Variants in GPC6 observed in about 807,000 individuals in gnomAD.
GPC6 encodes the protein glypican 6.
Under a neutral mutation model 55.2 loss-of-function variants are expected in GPC6, and 14 were observed. The observed-to-expected ratio is 0.25, with a 90% CI of 0.17 to 0.40. The LOEUF (loss-of-function observed/expected upper bound fraction) is 0.40, where lower values mean the gene tolerates loss of function less well. Ranked by LOEUF, GPC6 falls within the 10% of genes least tolerant of loss-of-function variation. The pLI, the probability that GPC6 is intolerant of heterozygous loss-of-function variation, is 1.00. For missense variants in GPC6, 641 were observed against 708.5 expected (o/e 0.90, Z 1.08); for synonymous variants, 278 against 259.6 (o/e 1.07, Z -0.68).
chr13:93,429,437 T>C lies in GPC6; in HGVS notation c.161-115826T>C, dbSNP rs146206339. On this transcript the variant is annotated intron_variant, in intron 1 of 8. Coordinates refer to ENST00000377047, the MANE Select transcript of GPC6 (RefSeq NM_005708.5). ...ACCACAGGTGAGGATAAGGTGCTTT[T>C]TGGGATAGTCCAGTGAGTGAGGCAA... 4.9e-3 allele frequency among the ~76,000 whole-genome samples: 748 copies of C among 152,282 alleles called. 11 individuals carry two copies. The highest frequency in any genetic ancestry group is 0.036 in the Admixed American group (553 of 15,260).
intron 2 of GPC6, among the ~76,000 whole-genome samples, chr13:93,566,886 G>A (rs1339733283): frequency 6.6e-6 from 1 of 152,084 alleles, no homozygotes; most frequent in African/African-American, 2.4e-5. Flanking sequence ...CCTGAAAAGA[G>A]CATGAACTCA....
chr13:93,992,075 A>G (rs1881335277), intron 3 of GPC6, among the ~76,000 whole-genome samples: 1 of 151,590 alleles, frequency 6.6e-6, no homozygotes, highest in Non-Finnish European at 1.5e-5. Flanking sequence ...TTATACATAC[A>G]TAGTTTACAT....
intron 2 of GPC6, among the ~76,000 whole-genome samples, chr13:93,776,821 C>T (rs1302374466): frequency 6.6e-6 from 1 of 152,152 alleles, no homozygotes; most frequent in Admixed American, 6.5e-5. Flanking sequence ...AGATCCATCC[C>T]ATTCCCTGCT....
intron 4 of GPC6, among the ~76,000 whole-genome samples, chr13:94,257,437 C>G (rs1891538886): frequency 6.6e-6 from 1 of 152,190 alleles, no homozygotes; most frequent in Non-Finnish European, 1.5e-5. Flanking sequence ...CAGTGCTTGT[C>G]CATACTTTGT....
chr13:94,261,957 T>G (rs971845355), intron 4 of GPC6, among the ~76,000 whole-genome samples: 1 of 152,176 alleles, frequency 6.6e-6, no homozygotes, highest in Non-Finnish European at 1.5e-5. Context: ...GTTTTTAAAT[T>G]GAAGATATTT....
chr13:93,461,318 A>G (rs920359441), intron 1 of GPC6, among the ~76,000 whole-genome samples: 1 of 152,176 alleles, frequency 6.6e-6, no homozygotes, highest in Non-Finnish European at 1.5e-5. Flanking sequence ...TATGGTTTTC[A>G]TAAGGGCAAT....
intron 6 of GPC6, among the ~76,000 whole-genome samples, chr13:94,308,839 G>T (rs1876090229): frequency 6.6e-6 from 1 of 152,200 alleles, no homozygotes; most frequent in Non-Finnish European, 1.5e-5. Flanking sequence ...TAGGTCCAAA[G>T]CTAATAACAG....
intron 4 of GPC6, among the ~76,000 whole-genome samples, chr13:94,247,020 C>T (rs1297866423): frequency 6.6e-6 from 1 of 152,042 alleles, no homozygotes; most frequent in African/African-American, 2.4e-5. Context: ...TTTGTGTCCT[C>T]TTCAATTTCT....
intron 4 of GPC6, among the ~76,000 whole-genome samples, chr13:94,239,369 C>G (rs1442487605): frequency 6.6e-6 from 1 of 152,094 alleles, no homozygotes; most frequent in Non-Finnish European, 1.5e-5. Context: ...CCTCTCTACT[C>G]CCACACATGT....
intron 3 of GPC6, among the ~76,000 whole-genome samples, chr13:93,899,063 G>A (rs374548403): frequency 1.3e-5 from 2 of 150,616 alleles, no homozygotes; most frequent in South Asian, 2.1e-4. Flanking sequence ...TTTCCCAGAC[G>A]TAAAAATGTG....
At chr13:93,798,280 G>T (rs1190588439) in intron 2 of GPC6, among the ~76,000 whole-genome samples, 5 of 152,108 alleles carry the variant, frequency 3.3e-5, no homozygotes, top group Non-Finnish European at 7.4e-5. Context: ...TTTAATACTG[G>T]CATAGGTCTT....
chr13:93,981,463 T>C (rs1019381433), intron 3 of GPC6, among the ~76,000 whole-genome samples: 16 of 152,172 alleles, frequency 1.1e-4, no homozygotes, highest in Non-Finnish European at 1.6e-4. Flanking sequence ...AAAATTTGTA[T>C]GAAATAACAA....
chr13:93,718,957 C>G (rs116743139), intron 2 of GPC6, among the ~76,000 whole-genome samples: 3,896 of 152,046 alleles, frequency 0.026, 185 homozygotes, highest in African/African-American at 0.088. Context: ...TGTTTTGGTA[C>G]CATTACCAAG....
At chr13:93,608,417 A>C (rs1160501412) in intron 2 of GPC6, among the ~76,000 whole-genome samples, 1 of 152,240 alleles carries the variant, frequency 6.6e-6, no homozygotes, top group Non-Finnish European at 1.5e-5. Flanking sequence ...AGAAAAGGAC[A>C]ATTAAATGAA....
intron 2 of GPC6, among the ~76,000 whole-genome samples, chr13:93,627,990 A>G (rs890785360): frequency 5.3e-5 from 8 of 152,218 alleles, no homozygotes; most frequent in Non-Finnish European, 2.9e-5. Flanking sequence ...TAATGTTGTT[A>G]TCTACATTGA....
chr13:94,372,559 TCCTAC>T (rs1171451545), intron 6 of GPC6, among the ~76,000 whole-genome samples: 1 of 151,026 alleles, frequency 6.6e-6, no homozygotes, highest in Non-Finnish European at 1.5e-5. Flanking sequence ...GCTCGGAGGG[TCCTAC>T]GCCCACGGAG....
chr13:94,320,177 C>A (rs1198739709), intron 6 of GPC6, among the ~76,000 whole-genome samples: 1 of 152,188 alleles, frequency 6.6e-6, no homozygotes, highest in African/African-American at 2.4e-5. Context: ...TTAAACCCAG[C>A]CACTTAGTTT....
intron 4 of GPC6, among the ~76,000 whole-genome samples, chr13:94,270,641 A>G (rs1280603868): frequency 6.6e-6 from 1 of 152,248 alleles, no homozygotes; most frequent in Non-Finnish European, 1.5e-5. Context: ...CATACAAAGA[A>G]AACATTTGAA....
chr13:93,503,485 C>T (rs1880595892), intron 1 of GPC6, among the ~76,000 whole-genome samples: 1 of 152,190 alleles, frequency 6.6e-6, no homozygotes, highest in Non-Finnish European at 1.5e-5. Context: ...CCATTTTTAG[C>T]TGGTGGGCCA....
Sources: gnomAD v4.1 joint callset for allele counts (sites outside exome capture counted in the v4.1 genomes callset) on GRCh38, gnomAD v4.1.1 for gene constraint, MANE v1.5 for transcripts, NCBI Gene and HGNC (gene_info 2026-07-23, HGNC 2026-07-21) for gene names.